Variants in NDST3 observed in about 807,000 individuals in gnomAD.
NDST3 encodes bifunctional heparan sulfate N-deacetylase/N-sulfotransferase 3.
A neutral mutation model predicts 96.1 loss-of-function variants in NDST3; 58 were observed. The ratio of observed to expected loss-of-function variants is 0.60; its 90% CI spans 0.49 to 0.75. NDST3 has a LOEUF of 0.75. Among genes scored for constraint, NDST3 ranks in the 30% least tolerant of loss-of-function variants. The pLI is 0.00. For synonymous variants in NDST3, 333 were observed against 359.7 expected (o/e 0.93, Z 0.84); for missense variants, 788 against 1,034.2 (o/e 0.76, Z 3.27).
intron 6 of NDST3, among the ~76,000 whole-genome samples, chr4:118,191,787 T>C (rs1578791861): frequency 6.6e-6 from 1 of 152,204 alleles, no homozygotes; most frequent in South Asian, 2.1e-4. Flanking sequence ...TGCTGTACTA[T>C]CAAATACTAG....
intron 6 of NDST3, among the ~76,000 whole-genome samples, chr4:118,168,353 T>TA (rs1437541959): frequency 6.6e-6 from 1 of 151,962 alleles, no homozygotes; most frequent in Non-Finnish European, 1.5e-5. Context: ...TATAGATGTT[T>TA]AAAAAAGTCA....
In NDST3 at chr4:118,204,585, T is replaced by A. The variant is rs1247174021; in HGVS notation, c.1540-19906T>A. Among the ~76,000 whole-genome samples the A allele has an allele frequency of 2.1e-5, 3 of 144,588 alleles. 1 individual carries two copies. The highest frequency in any genetic ancestry group is 4.6e-5 in the Non-Finnish European group (3 of 65,190). The allele number at this position is 144,588 out of a possible 152,430, so 94.9% of individuals were successfully genotyped here. A position where few individuals can be genotyped will look rare whatever the true frequency, so the allele number is the denominator to read the frequency against. On this transcript the variant is annotated intron_variant, in intron 6 of 13. Coordinates refer to ENST00000296499, the MANE Select transcript of NDST3 (RefSeq NM_004784.3). The stretch of plus-strand genomic sequence containing the variant: ...ACTTGGTGACTGGCACAAGAGTAGG[T>A]TACTGTCTATTTAAACTTCCATTGA...
chr4:118,168,559 T>C (rs1025728938), intron 6 of NDST3, among the ~76,000 whole-genome samples: 9 of 152,194 alleles, frequency 5.9e-5, no homozygotes, highest in African/African-American at 2.2e-4. Context: ...TATGGAAAAC[T>C]ATGGAGGTTC....
At position 118,206,599 on chromosome 4, in the gene NDST3, T is replaced by A. The variant is rs778916788; in HGVS notation, c.1540-17892T>A. ...TTAAGAAGTTTAATTTGATGGAAAA[T>A]AGGAGTTACTGATATTTCCTAAGCA... On this transcript the variant is annotated intron_variant, in intron 6 of 13. Transcript: ENST00000296499. Among the ~76,000 whole-genome samples, 3 of 144,686 alleles carry A rather than the reference T, an allele frequency of 2.1e-5. 1 individual carries two copies. The allele number at this position is 144,686 out of a possible 152,430, so 94.9% of individuals were successfully genotyped here. A position where few individuals can be genotyped will look rare whatever the true frequency, so the allele number is the denominator to read the frequency against.
intron 6 of NDST3, among the ~76,000 whole-genome samples, chr4:118,177,043 A>G (rs188693662): frequency 1.4e-3 from 212 of 152,198 alleles, no homozygotes; most frequent in African/African-American, 4.9e-3. Flanking sequence ...GAGGAAAGCC[A>G]TAAGACAGTA....
intron 4 of NDST3, among the ~76,000 whole-genome samples, chr4:118,122,716 T>C (rs1731705433): frequency 6.6e-6 from 1 of 152,144 alleles, no homozygotes; most frequent in Admixed American, 6.6e-5. Context: ...AACCTTACGG[T>C]TCAGTGAGAA....
At chr4:118,092,829 A>T (rs965207461) in intron 2 of NDST3, among the ~76,000 whole-genome samples, 2 of 151,912 alleles carry the variant, frequency 1.3e-5, no homozygotes, top group Admixed American at 1.3e-4. Flanking sequence ...AACGTATCAG[A>T]CACTGGCAGG....
At chr4:118,224,180 G>A (rs755676705) in intron 6 of NDST3, among the ~76,000 whole-genome samples, 1 of 152,028 alleles carries the variant, frequency 6.6e-6, no homozygotes, top group African/African-American at 2.4e-5. Flanking sequence ...GAAATATACA[G>A]GTTGTTATTC....
At chr4:118,215,432 C>T (rs1447584941) in intron 6 of NDST3, among the ~76,000 whole-genome samples, 1 of 152,032 alleles carries the variant, frequency 6.6e-6, no homozygotes, top group Non-Finnish European at 1.5e-5. Context: ...AGGCATTTTT[C>T]ATGGGATGGT....
intron 9 of NDST3, 36 bp from the exon 10 acceptor site, chr4:118,237,010 C>T: frequency 6.7e-7 from 1 of 1,500,400 alleles, no homozygotes; most frequent in Non-Finnish European, 9.0e-7. Flanking sequence ...GAGTATAAAC[C>T]AGAATCTTAT....
intron 2 of NDST3, among the ~76,000 whole-genome samples, chr4:118,079,965 C>T (rs1727878499): frequency 6.6e-6 from 1 of 151,978 alleles, no homozygotes; most frequent in South Asian, 2.1e-4. Flanking sequence ...CAGTGTGTTC[C>T]TCCAGTTGGG....
At chr4:118,137,687 C>T (rs984877302) in intron 4 of NDST3, among the ~76,000 whole-genome samples, 2 of 152,030 alleles carry the variant, frequency 1.3e-5, no homozygotes, top group African/African-American at 2.4e-5. Context: ...TTTTATTTTG[C>T]GGGAAGTGCT....
intron 3 of NDST3, among the ~76,000 whole-genome samples, chr4:118,112,592 G>T (rs113056593): frequency 6.6e-6 from 1 of 152,182 alleles, no homozygotes; most frequent in African/African-American, 2.4e-5. Context: ...GGAGTATCTT[G>T]GTTAGAAGCA....
intron 1 of NDST3, among the ~76,000 whole-genome samples, chr4:118,046,056 A>T (rs1344903436): frequency 6.6e-6 from 1 of 152,080 alleles, no homozygotes; most frequent in East Asian, 1.9e-4. Context: ...ATTTGGACAG[A>T]TCTCTAGAAA....
intron 2 of NDST3, among the ~76,000 whole-genome samples, chr4:118,091,204 T>C (rs1728840585): frequency 2.6e-5 from 4 of 151,758 alleles, no homozygotes; most frequent in African/African-American, 4.8e-5. Flanking sequence ...GCTCATTACC[T>C]GGATGATGAA....
At chr4:118,044,403 T>G (rs1376996441) in intron 1 of NDST3, among the ~76,000 whole-genome samples, 1 of 152,278 alleles carries the variant, frequency 6.6e-6, no homozygotes, top group Non-Finnish European at 1.5e-5. Flanking sequence ...CCAGAGCATT[T>G]AAAAGAGACC....
At chr4:118,228,414 G>T (rs1198420151) in intron 8 of NDST3, among the ~76,000 whole-genome samples, 1 of 152,146 alleles carries the variant, frequency 6.6e-6, no homozygotes, top group East Asian at 1.9e-4. Flanking sequence ...CTCGTGTTGT[G>T]CTGGATATGC....
intron 6 of NDST3, among the ~76,000 whole-genome samples, chr4:118,150,336 C>A (rs1734302211): frequency 6.6e-6 from 1 of 152,140 alleles, no homozygotes; most frequent in South Asian, 2.1e-4. Flanking sequence ...GCAAGGACTT[C>A]ATGTCTAAAA....
chr4:118,236,950 G>T, intron 9 of NDST3, 96 bp from the exon 10 acceptor site: 1 of 939,456 alleles, frequency 1.1e-6, no homozygotes. Context: ...CTTTTATTTA[G>T]GAAACACATG....
Sources: gnomAD v4.1 joint callset for allele counts (sites outside exome capture counted in the v4.1 genomes callset) on GRCh38, gnomAD v4.1.1 for gene constraint, MANE v1.5 for transcripts, NCBI Gene and HGNC (gene_info 2026-07-23, HGNC 2026-07-21) for gene names.